The following MLLT6 variants were observed in gnomAD, a reference collection of about 807,000 sequenced individuals.
MLLT6 encodes the protein MLLT6, PHD finger containing.
Under a neutral mutation model 103.0 loss-of-function variants are expected in MLLT6, and 22 were observed. The observed-to-expected ratio is 0.21, with a 90% CI of 0.15 to 0.31. The LOEUF (loss-of-function observed/expected upper bound fraction) is 0.31. Among genes scored for constraint, MLLT6 ranks in the 10% least tolerant of loss-of-function variants. The pLI, the probability that MLLT6 is intolerant of heterozygous loss-of-function variation, is 1.00. For missense variants in MLLT6, 1,199 were observed against 1,441.7 expected (o/e 0.83, Z 2.73); for synonymous variants, 606 against 623.5 (o/e 0.97, Z 0.42).
In MLLT6 at chr17:38,709,449, C is replaced by A; in HGVS notation, c.459-33C>A. The A allele has an allele frequency of 6.3e-7, 1 of 1,580,514 alleles. No homozygotes were observed. Among genetic ancestry groups the A allele is most frequent in the African/African-American group, 1.3e-5 (1 of 74,398 alleles). On this transcript the variant is annotated intron_variant, in intron 5 of 19. Coordinates refer to ENST00000621332, the MANE Select transcript of MLLT6 (RefSeq NM_005937.4). This position sits in a 1 kb window ranked among gnomAD's most constrained non-coding sequence, Gnocchi z 4.3. Reference sequence around the variant, plus strand: ...GGAAGGTGGCTCATGTGATCTGTGGCCTCAGCCGTCTCAGGCTGCCTTCTC... The same window carrying A: ...GGAAGGTGGCTCATGTGATCTGTGGACTCAGCCGTCTCAGGCTGCCTTCTC...
Position 38,716,268 on chromosome 17 carries a change from C to T in MLLT6, c.1037-99C>T. 7.8e-7 allele frequency: 1 copy of T among 1,279,012 alleles called. No individual in the cohort carries two copies. The highest frequency in any genetic ancestry group is 1.4e-5 in the South Asian group (1 of 73,858). 79.2% of individuals were successfully genotyped at this position (1,279,012 alleles called of 1,614,324 possible). On this transcript the variant is annotated intron_variant, in intron 9 of 19. Transcript: ENST00000621332. The surrounding 1 kb of genome is among the most constrained non-coding windows in gnomAD (Gnocchi z 5.6). Reference sequence around the variant, plus strand: ...GCTGAGACAGGAAACCAGGCATCCCCATTCGTGGACCAGAGCTCTCTCCCG... The same window carrying T: ...GCTGAGACAGGAAACCAGGCATCCCTATTCGTGGACCAGAGCTCTCTCCCG...
At chr17:38,708,683 G>C (rs1258318124) in intron 4 of MLLT6, among the ~76,000 whole-genome samples, 1 of 152,188 alleles carries the variant, frequency 6.6e-6, no homozygotes, top group African/African-American at 2.4e-5. Flanking sequence ...ATCACCTAAG[G>C]TCAGGAGTTT....
At chr17:38,725,531 C>G (rs751878434) in intron 19 of MLLT6, 26 bp from the exon 20 acceptor site, 1 of 1,606,222 alleles carries the variant, frequency 6.2e-7, no homozygotes, top group East Asian at 2.3e-5. Flanking sequence ...TTTCCACACC[C>G]CCGGCCTCCC....
At chr17:38,719,310 A>T (rs1448756725) in intron 12 of MLLT6, 2 of 583,426 alleles carry the variant, frequency 3.4e-6, no homozygotes. Context: ...CAGAGGAGGA[A>T]GAGAGCAGAT....
chr17:38,719,948 C>T, intron 14 of MLLT6, 53 bp downstream of exon 14: 1 of 1,501,474 alleles, frequency 6.7e-7, no homozygotes, highest in Non-Finnish European at 8.9e-7. Context: ...CTAACAGTCA[C>T]CTTTCTCCCC....
Position 38,715,712 on chromosome 17 carries a change from G to T in MLLT6, c.920G>T (p.Ser307Ile). ...AAGGGGAAAAAGTCTTCCAGCCATAGCCTGAGTCATAAAGGGAAGAAACTG... is the reference window on the plus strand; with the variant it reads ...AAGGGGAAAAAGTCTTCCAGCCATATCCTGAGTCATAAAGGGAAGAAACTG... ...ESKGKKSSSHSLSHKGKKLSS... is the reference protein window; with the variant it reads ...ESKGKKSSSHILSHKGKKLSS... Residue 307 changes from serine (S) to isoleucine (I), a missense_variant, in exon 9 of 20, where the codon AGC (serine) becomes ATC (isoleucine). Physicochemically the swap from Ser to Ile is moderately radical, Grantham distance 142. This residue lies in a region of MLLT6 where 1,034 missense variants were observed against 1,091.5 expected (regional missense o/e 0.95). Coordinates refer to ENST00000621332, the MANE Select transcript of MLLT6 (RefSeq NM_005937.4). 1 of 1,614,164 alleles carries T rather than the reference G, an allele frequency of 6.2e-7. No individual in the cohort carries two copies. Among genetic ancestry groups the T allele is most frequent in the Non-Finnish European group, 8.5e-7 (1 of 1,180,040 alleles).
chr17:38,708,769 C>T (rs1169779943), intron 4 of MLLT6, among the ~76,000 whole-genome samples: 1 of 152,102 alleles, frequency 6.6e-6, no homozygotes, highest in East Asian at 1.9e-4. Context: ...GTGGTGGGCA[C>T]CTGCAGTCCC....
At position 38,712,716 on chromosome 17, in the gene MLLT6, A is replaced by G; in HGVS notation, c.746A>G (p.Lys249Arg). 1.2e-6 allele frequency: 2 copies of G among 1,613,900 alleles called. No individual in the cohort carries two copies. Among genetic ancestry groups the G allele is most frequent in the South Asian group, 2.2e-5 (2 of 91,084 alleles). The change falls in exon 8 of 20, where the codon AAG becomes AGG. Residue 249 changes from lysine (K) to arginine (R), a missense_variant. By Grantham distance (26) the Lys-to-Arg change is conservative (BLOSUM62 2). Around this residue, in one of 7 missense-constraint regions of MLLT6, gnomAD observed 1,034 missense variants for 1,091.5 expected, o/e 0.95. Coordinates refer to ENST00000621332, the MANE Select transcript of MLLT6 (RefSeq NM_005937.4). ...AGTCGAAAGGACAAAGAACGCCTTA[A>G]GCAGAAGCACAAGAAGCGGCCTGAG... is the stretch of plus-strand genomic sequence containing the variant. The part of the protein sequence containing the change: ...KKSRKDKERL[K>R]QKHKKRPESP...
In MLLT6 at chr17:38,712,746, C is replaced by T. The variant is rs1254379332; in HGVS notation, c.776C>T (p.Pro259Leu). 6.2e-7 allele frequency: 1 copy of T among 1,613,812 alleles called. No homozygotes were observed. The highest frequency in any genetic ancestry group is 2.2e-5 in the East Asian group (1 of 44,886). ...KQKHKKRPES[P>L]PSILTPPVVP... ...AAGCACAAGAAGCGGCCTGAGTCGC[C>T]CCCCAGCATCCTCACCCCGCCCGTG... The change falls in exon 8 of 20, where the codon CCC becomes CTC. Residue 259 changes from proline (P) to leucine (L), a missense_variant. Pro to Leu is a moderately conservative substitution (Grantham distance 98). Around this residue, in one of 7 missense-constraint regions of MLLT6, gnomAD observed 1,034 missense variants for 1,091.5 expected, o/e 0.95. Transcript: ENST00000621332.
intron 17 of MLLT6, among the ~76,000 whole-genome samples, 169 bp from the exon 18 acceptor site, chr17:38,722,509 C>T (rs1033624530): frequency 1.3e-5 from 2 of 152,160 alleles, no homozygotes; most frequent in African/African-American, 4.8e-5. Flanking sequence ...AGACCTGTAT[C>T]CCTCTTGCTG....
In MLLT6 at chr17:38,705,619, G is replaced by A; in HGVS notation, c.-14G>A. The stretch of plus-strand genomic sequence containing the variant: ...CGGCCCCCCGCCCCAGCCCCGGAGG[G>A]AGCTCATGGGAGTATGAAGGAGATG... On this transcript the variant is annotated 5_prime_UTR_variant, in exon 1 of 20. Coordinates refer to ENST00000621332, the MANE Select transcript of MLLT6 (RefSeq NM_005937.4). 2.7e-6 allele frequency: 4 copies of A among 1,504,140 alleles called. No individual in the cohort carries two copies. The highest frequency in any genetic ancestry group is 3.6e-6 in the Non-Finnish European group (4 of 1,107,828). 93.2% of individuals were successfully genotyped at this position (1,504,140 alleles called of 1,614,324 possible). A position where few individuals can be genotyped will look rare whatever the true frequency, so the allele number is the denominator to read the frequency against.
rs537954512 is a variant in MLLT6, at chr17:38,715,387, G to T, written c.820-225G>T. On this transcript the variant is annotated intron_variant, in intron 8 of 19. Transcript: ENST00000621332. Reference sequence around the variant, plus strand: ...AGGTGAAAGACAGACACCTTCTTGGGTTCAGTGAATTCCCCTCTGCCTTAC... The same window carrying T: ...AGGTGAAAGACAGACACCTTCTTGGTTTCAGTGAATTCCCCTCTGCCTTAC... 5 of 577,718 alleles carry T rather than the reference G, an allele frequency of 8.7e-6. No individual in the cohort carries two copies. The South Asian group carries it at 1.4e-4, about 16-fold the overall frequency. 35.8% of individuals were successfully genotyped at this position (577,718 alleles called of 1,614,324 possible). A position where few individuals can be genotyped will look rare whatever the true frequency, so the allele number is the denominator to read the frequency against.
At position 38,715,689 on chromosome 17, in the gene MLLT6, G is replaced by C; in HGVS notation, c.897G>C (p.Lys299Asn). ...CCTCTGAGAGCAGCAGGGAGTCAAA[G>C]GGGAAAAAGTCTTCCAGCCATAGCC... The part of the protein sequence containing the change: ...QETSESSRES[K>N]GKKSSSHSLS... Residue 299 changes from lysine to asparagine, a missense_variant, in exon 9 of 20, where the codon AAG (lysine) becomes AAC (asparagine). Around this residue, in one of 7 missense-constraint regions of MLLT6, gnomAD observed 1,034 missense variants for 1,091.5 expected, o/e 0.95. Coordinates refer to ENST00000621332, the MANE Select transcript of MLLT6 (RefSeq NM_005937.4). 1 of 1,614,124 alleles carries C rather than the reference G, an allele frequency of 6.2e-7. No individual in the cohort carries two copies. Among genetic ancestry groups the C allele is most frequent in the Non-Finnish European group, 8.5e-7 (1 of 1,180,032 alleles).
Position 38,722,101 on chromosome 17 carries a change from C to T in MLLT6, c.2666C>T (p.Ala889Val), listed in dbSNP as rs1332443300. 1 of 1,375,532 alleles carries T rather than the reference C, an allele frequency of 7.3e-7. No individual in the cohort carries two copies. The highest frequency in any genetic ancestry group is 9.4e-7 in the Non-Finnish European group (1 of 1,069,328). 85.2% of individuals were successfully genotyped at this position (1,375,532 alleles called of 1,614,324 possible). A position where few individuals can be genotyped will look rare whatever the true frequency, so the allele number is the denominator to read the frequency against. The change falls in exon 17 of 20, where the codon GCA becomes GTA. Residue 889 changes from alanine (A) to valine (V), a missense_variant. Around this residue, in one of 7 missense-constraint regions of MLLT6, gnomAD observed 1,034 missense variants for 1,091.5 expected, o/e 0.95. Coordinates refer to ENST00000621332, the MANE Select transcript of MLLT6 (RefSeq NM_005937.4). ...GCTGAGGGGCTGTTGGGGGGGCTGG[C>T]AGGCAGTGGGGGCCTGCCCCTCAAT... is the stretch of plus-strand genomic sequence containing the variant. ...PMAEGLLGGL[A>V]GSGGLPLNGL...
In MLLT6 at chr17:38,727,401, A is replaced by T. The variant is rs1906097750; in HGVS notation, c.*1803A>T. On this transcript the variant is annotated 3_prime_UTR_variant, in exon 20 of 20. Coordinates refer to ENST00000621332, the MANE Select transcript of MLLT6 (RefSeq NM_005937.4). Reference sequence around the variant, plus strand: ...AGTTGTGATGACCTCAGAAATACTCACTTTTTATTAATGCTAAATATGTTA... The same window carrying T: ...AGTTGTGATGACCTCAGAAATACTCTCTTTTTATTAATGCTAAATATGTTA... The T allele has an allele frequency of 4.3e-6, 1 of 230,594 alleles. No homozygotes were observed. The highest frequency in any genetic ancestry group is 2.2e-5 in the African/African-American group (1 of 45,052). The allele number at this position is 230,594 out of a possible 1,614,324, so 14.3% of individuals were successfully genotyped here. A position where few individuals can be genotyped will look rare whatever the true frequency, so the allele number is the denominator to read the frequency against.
At position 38,726,346 on chromosome 17, in the gene MLLT6, A is replaced by T. The variant is rs933887852; in HGVS notation, c.*748A>T. On this transcript the variant is annotated 3_prime_UTR_variant, in exon 20 of 20. Coordinates refer to ENST00000621332, the MANE Select transcript of MLLT6 (RefSeq NM_005937.4). ...GTGGGGAGATGGAGCTGCCCGTCTCAGTGTGTGAGTGTGTGTGTGCGTGCA... is the reference window on the plus strand; with the variant it reads ...GTGGGGAGATGGAGCTGCCCGTCTCTGTGTGTGAGTGTGTGTGTGCGTGCA... 1.3e-5 allele frequency: 3 copies of T among 232,444 alleles called. No individual in the cohort carries two copies. Among genetic ancestry groups the T allele is most frequent in the Non-Finnish European group, 2.5e-5 (3 of 118,306 alleles). 14.4% of individuals were successfully genotyped at this position (232,444 alleles called of 1,614,324 possible). A position where few individuals can be genotyped will look rare whatever the true frequency, so the allele number is the denominator to read the frequency against.
Position 38,716,568 on chromosome 17 carries a change from C to A in MLLT6, c.1238C>A (p.Thr413Asn). The change falls in exon 10 of 20, where the codon ACC (threonine) becomes AAC (asparagine). Residue 413 changes from threonine (T) to asparagine (N), a missense_variant. Thr to Asn is a moderately conservative substitution (Grantham distance 65). Transcript: ENST00000621332. The surrounding 1 kb of genome is among the most constrained non-coding windows in gnomAD (Gnocchi z 5.6). ...FGPIMRFSTT[T>N]SSSGRARAPS... Reference sequence around the variant, plus strand: ...CCCATCATGCGCTTCTCCACCACCACCTCCAGCTCAGGCCGGGCCCGGGCG... The same window carrying A: ...CCCATCATGCGCTTCTCCACCACCAACTCCAGCTCAGGCCGGGCCCGGGCG... The A allele has an allele frequency of 6.2e-7, 1 of 1,614,124 alleles. No individual in the cohort carries two copies.
At chr17:38,711,470 A>C (rs2143674061) in intron 6 of MLLT6, among the ~76,000 whole-genome samples, 1 of 152,178 alleles carries the variant, frequency 6.6e-6, no homozygotes, top group East Asian at 1.9e-4. Flanking sequence ...GGTCCCCTGC[A>C]CGCCCTCTGC....
intron 6 of MLLT6, 77 bp from the exon 7 acceptor site, chr17:38,711,770 G>T: frequency 1.4e-6 from 2 of 1,443,334 alleles, no homozygotes; most frequent in South Asian, 1.5e-5. Context: ...CCAGGATCAG[G>T]ATCCTCTAAC....
Sources: gnomAD v4.1 joint callset for allele counts (sites outside exome capture counted in the v4.1 genomes callset) on GRCh38, gnomAD v4.1.1 for gene constraint, gnomAD v4.1.1 regional missense constraint, Gnocchi (gnomAD v3.1) non-coding constraint, MANE v1.5 for transcripts, NCBI Gene and HGNC (gene_info 2026-07-23, HGNC 2026-07-21) for gene names.